The following CARD10 variants were observed in gnomAD, a reference collection of about 807,000 sequenced individuals.
The protein encoded by CARD10 is caspase recruitment domain family member 10.
A neutral mutation model predicts 114.6 loss-of-function variants in CARD10; 49 were observed. That is an observed-to-expected ratio of 0.43 (90% CI 0.34 to 0.54). The LOEUF is 0.54. Among genes scored for constraint, CARD10 ranks in the 20% least tolerant of loss-of-function variants. The probability of loss-of-function intolerance (pLI) is 0.03; values close to 1 mark genes in which losing one functional copy is unlikely to be tolerated. For synonymous variants in CARD10, 602 were observed against 593.2 expected (o/e 1.01, Z -0.21); for missense variants, 1,206 against 1,397.2 (o/e 0.86, Z 2.18).
At chr22:37,509,059 G>A (rs1308943165) in intron 4 of CARD10, 3 of 1,549,376 alleles carry the variant, frequency 1.9e-6, no homozygotes, top group South Asian at 1.2e-5. Flanking sequence ...CCACCCCCAT[G>A]ACTAGGGGTC....
At chr22:37,502,819 G>C in intron 10 of CARD10, 94 bp from the exon 11 acceptor site, 1 of 1,447,812 alleles carries the variant, frequency 6.9e-7, no homozygotes, top group South Asian at 1.4e-5. Context: ...AGCCCAGAGA[G>C]GCCTTGGCAG....
At position 37,501,120 on chromosome 22, in the gene CARD10, TC is replaced by T. The variant is rs1240337979; in HGVS notation, c.1787+1481del. Among the ~76,000 whole-genome samples, 3 of 152,058 alleles carry T rather than the reference TC, an allele frequency of 2.0e-5. No individual in the cohort carries two copies. Among genetic ancestry groups the T allele is most frequent in the African/African-American group, 7.3e-5 (3 of 41,378 alleles). The stretch of plus-strand genomic sequence containing the variant: ...CCCTCATCTCCCTCTCCCTCTCCTC[TC>T]CGCCTGTCTGCCTCTCTCTCTCTCT... On this transcript the variant is annotated intron_variant, in intron 11 of 19. Coordinates refer to ENST00000251973, the MANE Select transcript of CARD10 (RefSeq NM_014550.4). The surrounding 1 kb of genome is among the most constrained non-coding windows in gnomAD (Gnocchi z 5.4).
chr22:37,497,757 G>A (rs1923059827), intron 11 of CARD10, among the ~76,000 whole-genome samples: 1 of 151,866 alleles, frequency 6.6e-6, no homozygotes, highest in South Asian at 2.1e-4. Context: ...CCAGCTACTT[G>A]GGAGGAGAAT....
In CARD10 at chr22:37,501,597, C is replaced by T. The variant is rs772503918; in HGVS notation, c.1787+1005G>A. 1.3e-5 allele frequency among the ~76,000 whole-genome samples: 2 copies of T among 152,184 alleles called. No homozygotes were observed. The highest frequency in any genetic ancestry group is 6.5e-5 in the Admixed American group (1 of 15,282). On this transcript the variant is annotated intron_variant, in intron 11 of 19. Transcript: ENST00000251973. This position sits in a 1 kb window ranked among gnomAD's most constrained non-coding sequence, Gnocchi z 5.4. ...TGCACCCAACACCTCCACATTCCAG[C>T]GCTGACAGTCCATGTTTCCTATGCC...
Position 37,496,024 on chromosome 22 carries a change from G to C in CARD10, c.2060-21C>G. 6.2e-7 allele frequency: 1 copy of C among 1,611,066 alleles called. No individual in the cohort carries two copies. Among genetic ancestry groups the C allele is most frequent in the African/African-American group, 1.3e-5 (1 of 75,016 alleles). On this transcript the variant is annotated intron_variant, in intron 13 of 19. Coordinates refer to ENST00000251973, the MANE Select transcript of CARD10 (RefSeq NM_014550.4). The surrounding 1 kb of genome is among the most constrained non-coding windows in gnomAD (Gnocchi z 4.1). ...GCAGGCTGGGCATGGATGGGGCAGG[G>C]GGCAGCAAGGAGGACAAGAGGAGGA...
At chr22:37,497,412 G>A (rs935946505) in intron 11 of CARD10, among the ~76,000 whole-genome samples, 24 of 152,166 alleles carry the variant, frequency 1.6e-4, no homozygotes, top group African/African-American at 5.6e-4. Context: ...ACGGTGCAGT[G>A]GAGCCTGCGT....
chr22:37,504,020 C>T (rs2145763084), intron 9 of CARD10, 166 bp downstream of exon 9: 1 of 720,276 alleles, frequency 1.4e-6, no homozygotes, highest in Non-Finnish European at 2.6e-6. Context: ...TTGGTCGCCC[C>T]TGTGACTCAC....
intron 6 of CARD10, 142 bp from the exon 7 acceptor site, chr22:37,506,525 T>C (rs983245717): frequency 1.9e-6 from 1 of 515,608 alleles, no homozygotes; most frequent in African/African-American, 2.0e-5. Flanking sequence ...TGAGCTAAAT[T>C]ATCAGCTCAT....
chr22:37,496,584 G>C lies in CARD10; in HGVS notation c.1948-24C>G. The C allele has an allele frequency of 1.9e-6, 3 of 1,563,116 alleles. No individual in the cohort carries two copies. Among genetic ancestry groups the C allele is most frequent in the East Asian group, 2.2e-5 (1 of 44,618 alleles). On this transcript the variant is annotated intron_variant, in intron 12 of 19. Transcript: ENST00000251973. This position sits in a 1 kb window ranked among gnomAD's most constrained non-coding sequence, Gnocchi z 4.1. Reference sequence around the variant, plus strand: ...TGCTGGGAGAAAACCCAGGCAGGGAGGGAAAGAAGTGAGCCTCTGAGAGTA... The same window carrying C: ...TGCTGGGAGAAAACCCAGGCAGGGACGGAAAGAAGTGAGCCTCTGAGAGTA...
In CARD10 at chr22:37,492,343, C is replaced by T. The variant is rs958336740; in HGVS notation, c.2751+92G>A. ...CCTGCCAGTGAGCAGCAGAGCATGG[C>T]CCGCGCTCAGACGCTGGCGCTCAAG... On this transcript the variant is annotated intron_variant, in intron 18 of 19. Coordinates refer to ENST00000251973, the MANE Select transcript of CARD10 (RefSeq NM_014550.4). The surrounding 1 kb of genome is among the most constrained non-coding windows in gnomAD (Gnocchi z 5.7). 1.1e-5 allele frequency: 10 copies of T among 951,766 alleles called. No individual in the cohort carries two copies. The highest frequency in any genetic ancestry group is 1.4e-5 in the Non-Finnish European group (9 of 650,032). The allele number at this position is 951,766 out of a possible 1,614,324, so 59.0% of individuals were successfully genotyped here. A position where few individuals can be genotyped will look rare whatever the true frequency, so the allele number is the denominator to read the frequency against.
intron 9 of CARD10, 54 bp from the exon 10 acceptor site, chr22:37,503,267 T>G: frequency 6.5e-7 from 1 of 1,531,148 alleles, no homozygotes; most frequent in Non-Finnish European, 8.8e-7. Flanking sequence ...GTGGGCACTC[T>G]GCCCCGCTCC....
intron 11 of CARD10, among the ~76,000 whole-genome samples, chr22:37,499,161 G>T (rs1923122009): frequency 1.3e-5 from 2 of 152,112 alleles, no homozygotes; most frequent in African/African-American, 4.8e-5. Context: ...TCTCACTGTG[G>T]GTTGTGGTCA....
intron 7 of CARD10, among the ~76,000 whole-genome samples, chr22:37,505,784 G>A (rs781122523): frequency 3.9e-5 from 6 of 152,146 alleles, no homozygotes; most frequent in South Asian, 2.1e-4. Context: ...GGCCCTGTGC[G>A]ATGAGAGGAT....
chr22:37,507,989 G>A, intron 5 of CARD10, 35 bp from the exon 6 acceptor site: 4 of 1,611,792 alleles, frequency 2.5e-6, no homozygotes, highest in South Asian at 2.2e-5. Context: ...AGACCACAGG[G>A]CTGGGGACCA....
At chr22:37,506,110 G>T in intron 7 of CARD10, 82 bp downstream of exon 7, 1 of 1,152,924 alleles carries the variant, frequency 8.7e-7, no homozygotes. Flanking sequence ...CACCAGGGCC[G>T]GCACGTTCCC....
chr22:37,494,375 A>C (rs953762809), intron 15 of CARD10, 187 bp from the exon 16 acceptor site: 1 of 596,814 alleles, frequency 1.7e-6, no homozygotes, highest in South Asian at 2.0e-5. Context: ...AGCCCAGCAC[A>C]GTCCCCCAGG....
chr22:37,516,363 C>T (rs1332586661), intron 2 of CARD10, 65 bp from the exon 3 acceptor site: 31 of 1,219,748 alleles, frequency 2.5e-5, no homozygotes, highest in Non-Finnish European at 3.4e-5. Context: ...AGATAACATA[C>T]TGTGTCAAAA....
chr22:37,502,728 G>T lies in CARD10; in HGVS notation c.1664-3C>A. The stretch of plus-strand genomic sequence containing the variant: ...CCAGGGCTTAAGTGTCACACTCCCT[G>T]GGGAAAAAGAATGAGGTTCAGGGAT... On this transcript the variant is annotated splice_polypyrimidine_tract_variant and splice_region_variant and intron_variant, in intron 10 of 19. Transcript: ENST00000251973. 1.2e-6 allele frequency: 2 copies of T among 1,612,380 alleles called. No homozygotes were observed. Among genetic ancestry groups the T allele is most frequent in the South Asian group, 2.2e-5 (2 of 90,976 alleles).
chr22:37,492,543 G>C lies in CARD10; in HGVS notation c.2643C>G (p.Leu881=), dbSNP rs750491225. ...LDFQVCPAES[L]SGEELCPSSA... is the part of the protein sequence containing the mutation. ...AGGATGGGCACAGTTCCTCCCCAGA[G>C]AGGCTTTCTGCACAGGGAGTGGAGA... Residue 881 remains leucine (L), a synonymous_variant, in exon 18 of 20, where the codon CTC becomes CTG. Transcript: ENST00000251973. This position sits in a 1 kb window ranked among gnomAD's most constrained non-coding sequence, Gnocchi z 5.7. The C allele has an allele frequency of 2.5e-6, 4 of 1,601,500 alleles. No individual in the cohort carries two copies. The highest frequency in any genetic ancestry group is 2.7e-5 in the African/African-American group (2 of 74,738).
Sources: allele counts gnomAD v4.1 joint callset (sites outside exome capture counted in the v4.1 genomes callset), GRCh38; gene constraint gnomAD v4.1.1; non-coding constraint Gnocchi (gnomAD v3.1); transcripts MANE v1.5; gene names NCBI Gene and HGNC (gene_info 2026-07-23, HGNC 2026-07-21).